The following MARCHF1 variants were observed in gnomAD, a reference collection of about 807,000 sequenced individuals.
MARCHF1 encodes the protein E3 ubiquitin-protein ligase MARCHF1.
A neutral mutation model predicts 54.2 loss-of-function variants in MARCHF1; 40 were observed. That is an observed-to-expected ratio of 0.74 (90% confidence interval 0.57 to 0.96). MARCHF1 has a LOEUF of 0.96. Ranked by LOEUF, MARCHF1 falls within the 40% of genes least tolerant of loss-of-function variation. The pLI is 0.00. For synonymous variants in MARCHF1, 236 were observed against 236.3 expected, an observed-to-expected ratio of 1.00 and a Z score of 0.01; for missense variants, 586 against 656.5, an observed-to-expected ratio of 0.89 and a Z score of 1.17.
At chr4:164,089,939 A>T (rs2111130179) in intron 2 of MARCHF1, among the ~76,000 whole-genome samples, 2 of 151,494 alleles carry the variant, frequency 1.3e-5, no homozygotes, top group East Asian at 3.9e-4. Context: ...AATTTTAGTA[A>T]ATTATATTTT....
intron 2 of MARCHF1, among the ~76,000 whole-genome samples, chr4:164,098,469 G>T (rs1179148364): frequency 6.6e-6 from 1 of 152,104 alleles, no homozygotes; most frequent in Non-Finnish European, 1.5e-5. Context: ...TCAATTCAAG[G>T]AGACAGTTTA....
intron 4 of MARCHF1, among the ~76,000 whole-genome samples, chr4:163,825,887 C>G (rs1347858618): frequency 6.6e-6 from 1 of 151,810 alleles, no homozygotes; most frequent in African/African-American, 2.4e-5. Context: ...CTTGATGGAG[C>G]TAATTATTCA....
At chr4:164,326,511 T>A (rs1205377261) in intron 1 of MARCHF1, among the ~76,000 whole-genome samples, 1 of 152,192 alleles carries the variant, frequency 6.6e-6, no homozygotes, top group Non-Finnish European at 1.5e-5. Flanking sequence ...AAATTGTGGC[T>A]ACTGGACAGT....
intron 4 of MARCHF1, among the ~76,000 whole-genome samples, chr4:163,763,119 A>T (rs73870032): frequency 0.029 from 4,380 of 152,152 alleles, 136 homozygotes; most frequent in African/African-American, 0.075. Context: ...ATCAGTCAGG[A>T]TGCAATTATT....
intron 2 of MARCHF1, among the ~76,000 whole-genome samples, chr4:164,016,672 G>A (rs1753549947): frequency 6.6e-6 from 1 of 151,952 alleles, no homozygotes; most frequent in South Asian, 2.1e-4. Context: ...GCTGTGGAGG[G>A]GAGAATAAAG....
chr4:164,146,912 G>T (rs1729763293), intron 1 of MARCHF1, among the ~76,000 whole-genome samples: 1 of 149,330 alleles, frequency 6.7e-6, no homozygotes, highest in African/African-American at 2.5e-5. Flanking sequence ...GAAAATTTTT[G>T]CAACCTACTC....
Position 164,040,452 on chromosome 4 carries a change from ATATT to A in MARCHF1, c.-247-51747_-247-51744del, listed in dbSNP as rs530739141. 4.6e-3 allele frequency among the ~76,000 whole-genome samples: 675 copies of A among 147,940 alleles called. 5 individuals are homozygous for A. The highest frequency in any genetic ancestry group is 0.016 in the African/African-American group (643 of 40,846). ...TATAAATATATAGGTATATCCTTGTATATTTATATATATTTGTAAATGTATACAA... is the reference window on the plus strand; with the variant it reads ...TATAAATATATAGGTATATCCTTGTATATATATATTTGTAAATGTATACAA... On this transcript the variant is annotated intron_variant, in intron 2 of 9. Coordinates refer to ENST00000514618, the MANE Select transcript of MARCHF1 (RefSeq NM_001394959.1).
chr4:164,146,446 A>C (rs1394668207), intron 1 of MARCHF1, among the ~76,000 whole-genome samples: 1 of 152,152 alleles, frequency 6.6e-6, no homozygotes, highest in Non-Finnish European at 1.5e-5. Context: ...TAGTAACCAA[A>C]ACAGCATGGT....
In MARCHF1 at chr4:163,585,498, C is replaced by T; in HGVS notation, c.1191+251G>A. On this transcript the variant is annotated intron_variant, in intron 8 of 9. Coordinates refer to ENST00000514618, the MANE Select transcript of MARCHF1 (RefSeq NM_001394959.1). ...TATATATGTTTATATCTATTACGTG[C>T]ACACACTGACTTTTAAAAAAGCATT... is the stretch of plus-strand genomic sequence containing the variant. 1.0e-5 allele frequency: 3 copies of T among 298,372 alleles called. No homozygotes were observed. The South Asian group carries it at 3.3e-4, about 33-fold the overall frequency. 18.5% of individuals were successfully genotyped at this position (298,372 alleles called of 1,614,324 possible).
At chr4:164,120,805 T>C (rs1389885810) in intron 1 of MARCHF1, among the ~76,000 whole-genome samples, 2 of 151,932 alleles carry the variant, frequency 1.3e-5, no homozygotes, top group Non-Finnish European at 2.9e-5. Context: ...AAACACAACA[T>C]ACCAAAACCT....
intron 3 of MARCHF1, among the ~76,000 whole-genome samples, chr4:163,975,196 T>TCTCA (rs1752628056): frequency 2.5e-5 from 3 of 119,134 alleles, no homozygotes; most frequent in African/African-American, 1.0e-4. Context: ...TCTCTCTCTC[T>TCTCA]CACACACACA....
chr4:164,313,424 T>C (rs1265219259), intron 1 of MARCHF1, among the ~76,000 whole-genome samples: 1 of 151,578 alleles, frequency 6.6e-6, no homozygotes, highest in Non-Finnish European at 1.5e-5. Context: ...AACAGAACTT[T>C]CCATGATGAC....
chr4:163,689,361 TAGAGA>T (rs1299766568), intron 5 of MARCHF1, among the ~76,000 whole-genome samples: 1 of 152,192 alleles, frequency 6.6e-6, no homozygotes, highest in African/African-American at 2.4e-5. Context: ...CACTTCTTCC[TAGAGA>T]AAAGTTTAAC....
At chr4:163,718,928 C>T (rs1439118445) in intron 4 of MARCHF1, among the ~76,000 whole-genome samples, 2 of 152,146 alleles carry the variant, frequency 1.3e-5, no homozygotes, top group Admixed American at 6.5e-5. Flanking sequence ...AGGTGAGGAC[C>T]AGAGCCAAGA....
intron 3 of MARCHF1, among the ~76,000 whole-genome samples, chr4:163,960,770 A>G (rs118074431): frequency 6.6e-6 from 1 of 151,676 alleles, no homozygotes; most frequent in East Asian, 1.9e-4. Flanking sequence ...GTGTTTACCT[A>G]TATAACAAAC....
intron 1 of MARCHF1, among the ~76,000 whole-genome samples, chr4:164,224,794 C>A (rs906006099): frequency 1.3e-5 from 2 of 151,898 alleles, no homozygotes; most frequent in African/African-American, 4.8e-5. Flanking sequence ...TAGAAAGCAA[C>A]ATATAAAGTT....
At chr4:164,166,072 T>C (rs1284321491) in intron 1 of MARCHF1, among the ~76,000 whole-genome samples, 1 of 152,032 alleles carries the variant, frequency 6.6e-6, no homozygotes, top group Admixed American at 6.6e-5. Context: ...AAGAGACTGA[T>C]AGACTCAGCT....
chr4:163,578,821 A>G (rs1023911334), intron 8 of MARCHF1, among the ~76,000 whole-genome samples: 1 of 152,114 alleles, frequency 6.6e-6, no homozygotes, highest in Admixed American at 6.5e-5. Context: ...GTTTTATTCT[A>G]TCTTGTTCAC....
chr4:164,030,118 A>G (rs1753847331), intron 2 of MARCHF1, among the ~76,000 whole-genome samples: 1 of 152,172 alleles, frequency 6.6e-6, no homozygotes. Flanking sequence ...CTATTTATAA[A>G]TATTTCTCAA....
Sources: allele counts gnomAD v4.1 joint callset (sites outside exome capture counted in the v4.1 genomes callset), GRCh38; gene constraint gnomAD v4.1.1; transcripts MANE v1.5; gene names NCBI Gene and HGNC (gene_info 2026-07-23, HGNC 2026-07-21).